Variants in RIC8B observed in about 807,000 individuals in gnomAD.
RIC8B encodes the protein chaperone Ric-8B.
RIC8B carries 16 observed loss-of-function variants against 57.5 expected under a neutral mutation model. The ratio of observed to expected loss-of-function variants is 0.28; its 90% CI spans 0.19 to 0.42. RIC8B has a LOEUF of 0.42. Ranked by LOEUF, RIC8B falls within the 10% of genes least tolerant of loss-of-function variation. The pLI is 1.00. For synonymous variants in RIC8B, 216 were observed against 250.8 expected (o/e 0.86, Z 1.31); for missense variants, 481 against 677.0 (o/e 0.71, Z 3.21).
At chr12:106,821,144 T>G (rs1178507924) in intron 3 of RIC8B, among the ~76,000 whole-genome samples, 13 of 152,328 alleles carry the variant, frequency 8.5e-5, no homozygotes. Context: ...GACAGGAGCA[T>G]TAACCCAATT....
chr12:106,796,362 A>AC (rs1348333294), intron 2 of RIC8B, among the ~76,000 whole-genome samples: 18 of 151,830 alleles, frequency 1.2e-4, no homozygotes, highest in Non-Finnish European at 2.4e-4. Context: ...ATATAGTGAG[A>AC]CCCCCACCCC....
At chr12:106,809,432 A>G (rs1593164294) in intron 2 of RIC8B, among the ~76,000 whole-genome samples, 1 of 151,600 alleles carries the variant, frequency 6.6e-6, no homozygotes, top group East Asian at 1.9e-4. Context: ...CTGAGACAGG[A>G]GAATCACTTG....
intron 3 of RIC8B, chr12:106,822,378 GA>G (rs1333293662): frequency 3.9e-5 from 6 of 152,142 alleles, no homozygotes; most frequent in African/African-American, 1.4e-4. Context: ...TTGACATATG[GA>G]TATAACCTGT....
At chr12:106,784,644 T>C (rs759746499) in intron 2 of RIC8B, among the ~76,000 whole-genome samples, 3 of 152,182 alleles carry the variant, frequency 2.0e-5, no homozygotes, top group Non-Finnish European at 4.4e-5. Context: ...ATTACAGGTG[T>C]GAGCTACCAT....
intron 8 of RIC8B, among the ~76,000 whole-genome samples, chr12:106,869,641 A>G (rs1950307205): frequency 6.6e-6 from 1 of 152,190 alleles, no homozygotes; most frequent in African/African-American, 2.4e-5. Flanking sequence ...TAATTTGATC[A>G]TTAAAAACAA....
chr12:106,828,058 C>T (rs188742353), intron 4 of RIC8B, among the ~76,000 whole-genome samples: 176 of 152,224 alleles, frequency 1.2e-3, no homozygotes, highest in Middle Eastern at 3.4e-3. Context: ...TTAAAGAAGT[C>T]GTATTTATTT....
At chr12:106,828,603 A>C (rs563598028) in intron 4 of RIC8B, among the ~76,000 whole-genome samples, 154 of 152,238 alleles carry the variant, frequency 1.0e-3, no homozygotes, top group African/African-American at 3.4e-3. Context: ...TCAAACCCAA[A>C]GAGTTGTGAT....
intron 4 of RIC8B, among the ~76,000 whole-genome samples, chr12:106,829,505 A>C (rs964556219): frequency 1.3e-5 from 2 of 152,214 alleles, no homozygotes; most frequent in African/African-American, 4.8e-5. Flanking sequence ...TGTTTAGACT[A>C]ATTCACTTTG....
intron 6 of RIC8B, among the ~76,000 whole-genome samples, chr12:106,850,449 A>T (rs961114579): frequency 2.6e-5 from 4 of 152,246 alleles, no homozygotes; most frequent in African/African-American, 9.6e-5. Context: ...AACCAATGAG[A>T]TAGGAGGAGG....
intron 1 of RIC8B, chr12:106,775,379 G>A (rs1308672278): frequency 2.2e-6 from 1 of 455,916 alleles, no homozygotes; most frequent in Non-Finnish European, 4.4e-6. Flanking sequence ...AGGAAACCGA[G>A]GTGCAAAGAG....
intron 6 of RIC8B, among the ~76,000 whole-genome samples, chr12:106,849,883 C>A (rs915320454): frequency 1.3e-5 from 2 of 152,114 alleles, no homozygotes; most frequent in Non-Finnish European, 2.9e-5. Flanking sequence ...CCTATAATTT[C>A]TGTGATTAAA....
intron 7 of RIC8B, among the ~76,000 whole-genome samples, 162 bp from the exon 8 acceptor site, chr12:106,860,106 T>G (rs1370032923): frequency 2.3e-4 from 35 of 152,164 alleles, no homozygotes; most frequent in Non-Finnish European, 1.5e-5. Context: ...ATGGGAAAAT[T>G]TGTAAGTAGT....
At chr12:106,821,335 G>C (rs909163573) in intron 3 of RIC8B, among the ~76,000 whole-genome samples, 1 of 152,198 alleles carries the variant, frequency 6.6e-6, no homozygotes, top group African/African-American at 2.4e-5. Flanking sequence ...AAATAGAGTT[G>C]ATACAGTCAC....
intron 1 of RIC8B, among the ~76,000 whole-genome samples, chr12:106,780,389 A>G (rs1342925730): frequency 1.3e-5 from 2 of 152,228 alleles, no homozygotes; most frequent in African/African-American, 4.8e-5. Flanking sequence ...TAGGAGAAGA[A>G]AACAAGACTG....
At chr12:106,831,686 A>C (rs2046357548) in intron 4 of RIC8B, among the ~76,000 whole-genome samples, 2 of 152,236 alleles carry the variant, frequency 1.3e-5, no homozygotes, top group Non-Finnish European at 2.9e-5. Context: ...TCATGCTATC[A>C]TGCTAAAGTG....
intron 8 of RIC8B, among the ~76,000 whole-genome samples, chr12:106,865,982 T>C (rs887374173): frequency 1.3e-5 from 2 of 152,216 alleles, no homozygotes; most frequent in Non-Finnish European, 2.9e-5. Context: ...TTCAAGTCTT[T>C]ACTCAGGTAT....
chr12:106,864,881 T>TAAG (rs1334962349), intron 8 of RIC8B, among the ~76,000 whole-genome samples: 1 of 152,194 alleles, frequency 6.6e-6, no homozygotes, highest in African/African-American at 2.4e-5. Context: ...CTATGGAATC[T>TAAG]AAGAATCTCT....
chr12:106,855,758 C>T (rs1384865574), intron 7 of RIC8B, among the ~76,000 whole-genome samples: 1 of 152,062 alleles, frequency 6.6e-6, no homozygotes, highest in Non-Finnish European at 1.5e-5. Context: ...CTTCACATTG[C>T]TCCCTGAGTA....
At chr12:106,781,385 C>T (rs942893672) in intron 1 of RIC8B, among the ~76,000 whole-genome samples, 1 of 152,154 alleles carries the variant, frequency 6.6e-6, no homozygotes, top group Non-Finnish European at 1.5e-5. Context: ...CTCTCTTTCC[C>T]CATTTCAGCC....
Sources: allele counts gnomAD v4.1 joint callset (sites outside exome capture counted in the v4.1 genomes callset), GRCh38; gene constraint gnomAD v4.1.1; transcripts MANE v1.5; gene names NCBI Gene and HGNC (gene_info 2026-07-23, HGNC 2026-07-21).